SLC20A2: variants seen among roughly 807,000 people sequenced by gnomAD.
SLC20A2 encodes solute carrier family 20 member 2.
Under a neutral mutation model 61.0 loss-of-function variants are expected in SLC20A2, and 30 were observed. That is an observed-to-expected ratio of 0.49 (90% CI 0.37 to 0.67). SLC20A2 has a LOEUF of 0.67. Ranked by LOEUF, SLC20A2 falls within the 30% of genes least tolerant of loss-of-function variation. The probability of loss-of-function intolerance (pLI) is 0.00; values close to 1 mark genes in which losing one functional copy is unlikely to be tolerated. For synonymous variants in SLC20A2, 351 were observed against 353.3 expected (o/e 0.99, Z 0.07); for missense variants, 626 against 866.4 (o/e 0.72, Z 3.48).
chr8:42,418,654 C>A (rs902879917), intron 10 of SLC20A2, among the ~76,000 whole-genome samples: 6 of 151,910 alleles, frequency 3.9e-5, no homozygotes, highest in African/African-American at 1.4e-4. Context: ...TCCCAAAGTG[C>A]TGGGATTACA....
rs547577264 is a variant in SLC20A2, at chr8:42,497,369, A to AT, written c.-265+3661dup. Among the ~76,000 whole-genome samples the AT allele has an allele frequency of 4.4e-3, 672 of 152,138 alleles. 5 individuals are homozygous for AT. Among genetic ancestry groups the AT allele is most frequent in the African/African-American group, 0.015 (614 of 41,520 alleles). Reference sequence around the variant, plus strand: ...AACGTGCACCAGAATCACTTGGGAGATTTTTTAAACACAGGCTGCTGGCCC... The same window carrying AT: ...AACGTGCACCAGAATCACTTGGGAGATTTTTTTAAACACAGGCTGCTGGCCC... On this transcript the variant is annotated intron_variant, in intron 1 of 10. Coordinates refer to ENST00000520262, the MANE Select transcript of SLC20A2 (RefSeq NM_001257180.2).
intron 5 of SLC20A2, among the ~76,000 whole-genome samples, chr8:42,453,020 G>A (rs1208655250): frequency 6.6e-6 from 1 of 152,158 alleles, no homozygotes; most frequent in Admixed American, 6.5e-5. Flanking sequence ...TCACTGGGCT[G>A]CATTCTGTGG....
intron 5 of SLC20A2, among the ~76,000 whole-genome samples, chr8:42,452,202 TGGA>T (rs1342878951): frequency 2.0e-4 from 13 of 65,406 alleles, no homozygotes; most frequent in South Asian, 4.9e-4. Context: ...GAGGAAGAGA[TGGA>T]GGAGGAGGAG....
Position 42,437,871 on chromosome 8 carries a change from C to T in SLC20A2, c.935-294G>A, listed in dbSNP as rs1374971802. 6.6e-6 allele frequency among the ~76,000 whole-genome samples: 1 copy of T among 151,650 alleles called. No individual in the cohort carries two copies. Among genetic ancestry groups the T allele is most frequent in the African/African-American group, 2.4e-5 (1 of 41,330 alleles). On this transcript the variant is annotated intron_variant, in intron 7 of 10. Transcript: ENST00000520262. This position sits in a 1 kb window ranked among gnomAD's most constrained non-coding sequence, Gnocchi z 6.4. ...CCTCATGATCCGCCCACCTTGGCCT[C>T]CTAAAGTGCTCGGATTACAAGCGTG...
intron 1 of SLC20A2, among the ~76,000 whole-genome samples, chr8:42,520,681 A>T (rs36130181): frequency 0.02 from 2,286 of 115,454 alleles, 290 homozygotes; most frequent in African/African-American, 0.055. Context: ...AGCTGAGATC[A>T]TGCCACTGCA....
rs141858921 is a variant in SLC20A2, at chr8:42,516,636, A to G, written c.-265+25185T>C. ...CTACATACCATCCTCTGGTCTTCCTATTCCCTGATCTATAAGGGCTGCTAC... is the reference window on the plus strand; with the variant it reads ...CTACATACCATCCTCTGGTCTTCCTGTTCCCTGATCTATAAGGGCTGCTAC... On this transcript the variant is annotated intron_variant, in intron 1 of 10. Coordinates refer to the SLC20A2 transcript ENST00000342228. Among the ~76,000 whole-genome samples the G allele has an allele frequency of 8.2e-3, 1,256 of 152,296 alleles. 5 individuals are homozygous for G. The highest frequency in any genetic ancestry group is 0.013 in the Non-Finnish European group (880 of 68,028).
At chr8:42,524,851 G>A (rs181516656) in intron 1 of SLC20A2, among the ~76,000 whole-genome samples, 32 of 152,198 alleles carry the variant, frequency 2.1e-4, no homozygotes, top group Admixed American at 1.9e-3. Flanking sequence ...AAGAAATTCT[G>A]AGACTGAGGC....
intron 6 of SLC20A2, among the ~76,000 whole-genome samples, chr8:42,440,084 C>CAA (rs549433459): frequency 9.7e-6 from 1 of 103,116 alleles, no homozygotes. Flanking sequence ...GACTCTGTCT[C>CAA]AAAAAAAAAA....
intron 1 of SLC20A2, among the ~76,000 whole-genome samples, chr8:42,522,933 C>T (rs1207305827): frequency 2.0e-5 from 3 of 149,682 alleles, no homozygotes; most frequent in East Asian, 2.0e-4. Context: ...CTGTGTTGCC[C>T]AGGTTAGTCT....
At position 42,430,293 on chromosome 8, in the gene SLC20A2, G is replaced by A. The variant is rs562758155; in HGVS notation, c.1524-44C>T. ...GAAAAGATTAACTATATATGCAAGC[G>A]GCAATGTACATGATACAGGTGACTT... On this transcript the variant is annotated intron_variant, in intron 8 of 10. Transcript: ENST00000520262. 5.0e-5 allele frequency: 76 copies of A among 1,522,878 alleles called. No homozygotes were observed. The Admixed American group carries it at 7.5e-4, about 15-fold the overall frequency. The allele number at this position is 1,522,878 out of a possible 1,614,324, so 94.3% of individuals were successfully genotyped here. A position where few individuals can be genotyped will look rare whatever the true frequency, so the allele number is the denominator to read the frequency against.
chr8:42,473,698 G>A (rs758577523), intron 1 of SLC20A2, among the ~76,000 whole-genome samples: 1 of 152,112 alleles, frequency 6.6e-6, no homozygotes, highest in African/African-American at 2.4e-5. Flanking sequence ...TATTATTGGA[G>A]AGCCAAGGCA....
intron 1 of SLC20A2, among the ~76,000 whole-genome samples, chr8:42,487,585 C>T (rs1809135900): frequency 6.6e-6 from 1 of 152,170 alleles, no homozygotes; most frequent in Admixed American, 6.6e-5. Context: ...GTTCATTTTT[C>T]TTCATTCCTT....
Position 42,417,955 on chromosome 8 carries a change from C to A in SLC20A2, c.1807G>T (p.Val603Leu), listed in dbSNP as rs766868553. The A allele has an allele frequency of 6.2e-7, 1 of 1,613,442 alleles. No homozygotes were observed. The highest frequency in any genetic ancestry group is 1.1e-5 in the South Asian group (1 of 91,042). Residue 603 changes from valine (V) to leucine (L), a missense_variant, in exon 11 of 11, where the codon GTG becomes TTG. This residue lies in a region of SLC20A2 where 138 missense variants were observed against 228.7 expected (regional missense o/e 0.60). Coordinates refer to ENST00000520262, the MANE Select transcript of SLC20A2 (RefSeq NM_001257180.2). ...STTHCKVGSV[V>L]AVGWIRSRKA... Reference sequence around the variant, plus strand: ...CGGGAGCGGATCCAGCCCACGGCCACCACCGAGCCCACCTGTGGGAGCAGA... The same window carrying A: ...CGGGAGCGGATCCAGCCCACGGCCAACACCGAGCCCACCTGTGGGAGCAGA...
intron 1 of SLC20A2, among the ~76,000 whole-genome samples, chr8:42,493,238 C>T (rs1009112952): frequency 2.6e-5 from 4 of 152,230 alleles, no homozygotes; most frequent in Non-Finnish European, 4.4e-5. Flanking sequence ...GTGCCACAGG[C>T]ACCAAAACAG....
At position 42,437,128 on chromosome 8, in the gene SLC20A2, C is replaced by T. The variant is rs1804334890; in HGVS notation, c.1384G>A (p.Asp462Asn). The change falls in exon 8 of 11, where the codon GAC becomes AAC. Residue 462 changes from aspartate (D) to asparagine (N), a missense_variant. Transcript: ENST00000520262. This position sits in a 1 kb window ranked among gnomAD's most constrained non-coding sequence, Gnocchi z 6.4. ...GGGTCCTCTCGCGGCTGGTCAGGGTCGGCCAGCTCCGACGCCAGCTTCATC... is the reference window on the plus strand; with the variant it reads ...GGGTCCTCTCGCGGCTGGTCAGGGTTGGCCAGCTCCGACGCCAGCTTCATC... Reference protein sequence around the residue: ...VEMKLASELADPDQPREDPAE... With the variant: ...VEMKLASELANPDQPREDPAE... The T allele has an allele frequency of 3.7e-6, 6 of 1,613,692 alleles. No homozygotes were observed. Among genetic ancestry groups the T allele is most frequent in the Admixed American group, 1.7e-5 (1 of 60,012 alleles).
At chr8:42,508,397 CTGTT>C (rs1177645046) in intron 1 of SLC20A2, among the ~76,000 whole-genome samples, 1 of 151,900 alleles carries the variant, frequency 6.6e-6, no homozygotes, top group African/African-American at 2.4e-5. Flanking sequence ...GAGTCTCGCT[CTGTT>C]TGTTTTGAGA....
intron 1 of SLC20A2, among the ~76,000 whole-genome samples, chr8:42,480,710 A>C (rs1808490670): frequency 2.0e-5 from 3 of 152,096 alleles, no homozygotes; most frequent in Admixed American, 2.0e-4. Flanking sequence ...TCTAGGCTGG[A>C]GTGCGGTGGC....
chr8:42,459,248 A>AAAAAAAAAAAAC (rs1563482712), intron 5 of SLC20A2, among the ~76,000 whole-genome samples: 2 of 149,684 alleles, frequency 1.3e-5, no homozygotes, highest in African/African-American at 5.0e-5. Flanking sequence ...AAAAAAAAAA[A>AAAAAAAAAAAAC]AAAAAAAAAA....
chr8:42,533,316 A>G (rs534108111), intron 1 of SLC20A2, among the ~76,000 whole-genome samples: 1 of 152,086 alleles, frequency 6.6e-6, no homozygotes, highest in African/African-American at 2.4e-5. Context: ...ACTACTTATT[A>G]AAAAAATGTG....
Sources: gnomAD v4.1 joint callset for allele counts (sites outside exome capture counted in the v4.1 genomes callset) on GRCh38, gnomAD v4.1.1 for gene constraint, gnomAD v4.1.1 regional missense constraint, Gnocchi (gnomAD v3.1) non-coding constraint, MANE v1.5 for transcripts, NCBI Gene and HGNC (gene_info 2026-07-23, HGNC 2026-07-21) for gene names.